MAMDC2: variants seen among roughly 807,000 people sequenced by gnomAD.
The protein encoded by MAMDC2 is MAM domain-containing protein 2.
MAMDC2 carries 57 observed loss-of-function variants against 89.8 expected under a neutral mutation model. That is an observed-to-expected ratio of 0.63 (90% CI 0.51 to 0.79). The LOEUF is 0.79. MAMDC2 is among the 30% of genes least tolerant of loss of function. The probability of loss-of-function intolerance (pLI) is 0.00; values close to 1 mark genes in which losing one functional copy is unlikely to be tolerated. For synonymous variants in MAMDC2, 313 were observed against 293.4 expected, an observed-to-expected ratio of 1.07 and a Z score of -0.68; for missense variants, 800 against 820.6, an observed-to-expected ratio of 0.97 and a Z score of 0.31.
chr9:70,116,541 A>G (rs937982617), intron 5 of MAMDC2, among the ~76,000 whole-genome samples: 4 of 152,152 alleles, frequency 2.6e-5, no homozygotes, highest in African/African-American at 9.7e-5. Context: ...TTTGAATTCA[A>G]TGATCTCTAA....
chr9:70,219,762 T>C (rs1053291168), intron 12 of MAMDC2, among the ~76,000 whole-genome samples: 1 of 152,208 alleles, frequency 6.6e-6, no homozygotes, highest in African/African-American at 2.4e-5. Flanking sequence ...AGTGATTTAA[T>C]GTCTGTTCGA....
intron 7 of MAMDC2, among the ~76,000 whole-genome samples, chr9:70,135,022 G>A (rs2030951728): frequency 6.6e-6 from 1 of 152,188 alleles, no homozygotes; most frequent in African/African-American, 2.4e-5. Flanking sequence ...ACTCCAGGGA[G>A]CAGAGGAAAC....
intron 9 of MAMDC2, among the ~76,000 whole-genome samples, chr9:70,145,209 T>C (rs745349871): frequency 6.6e-6 from 1 of 152,208 alleles, no homozygotes; most frequent in Admixed American, 6.5e-5. Context: ...CCTTACGTGA[T>C]TTTATCAGTC....
At chr9:70,082,638 T>C (rs541160073) in intron 2 of MAMDC2, 4 of 152,248 alleles carry the variant, frequency 2.6e-5, no homozygotes, top group African/African-American at 9.6e-5. Flanking sequence ...ATCCGATAAA[T>C]TAAAGAAGTG....
intron 6 of MAMDC2, among the ~76,000 whole-genome samples, 172 bp downstream of exon 6, chr9:70,126,587 G>A (rs1477236655): frequency 1.3e-5 from 2 of 152,150 alleles, no homozygotes; most frequent in Non-Finnish European, 2.9e-5. Flanking sequence ...CCCTTCCTCT[G>A]TGTCCCCTTT....
At chr9:70,126,583 C>T (rs567923569) in intron 6 of MAMDC2, among the ~76,000 whole-genome samples, 168 bp downstream of exon 6, 1 of 152,322 alleles carries the variant, frequency 6.6e-6, no homozygotes, top group South Asian at 2.1e-4. Context: ...CTCTCCCTTC[C>T]TCTGTGTCCC....
intron 11 of MAMDC2, among the ~76,000 whole-genome samples, chr9:70,214,628 A>C (rs2033412696): frequency 6.6e-6 from 1 of 152,236 alleles, no homozygotes. Context: ...ATGAGATTGC[A>C]GGGGACCAGA....
chr9:70,050,641 T>C (rs910005251), intron 2 of MAMDC2, among the ~76,000 whole-genome samples: 1 of 152,236 alleles, frequency 6.6e-6, no homozygotes, highest in African/African-American at 2.4e-5. Flanking sequence ...TTACTATTAC[T>C]TGATGTGTCT....
At chr9:70,103,874 C>A (rs556099759) in intron 2 of MAMDC2, among the ~76,000 whole-genome samples, 7 of 151,936 alleles carry the variant, frequency 4.6e-5, no homozygotes, top group African/African-American at 1.7e-4. Context: ...CCCAGCTAAT[C>A]AGGAGACTGA....
intron 7 of MAMDC2, among the ~76,000 whole-genome samples, chr9:70,132,103 C>T (rs2030832243): frequency 1.3e-5 from 2 of 152,212 alleles, no homozygotes; most frequent in South Asian, 4.1e-4. Context: ...AGCTAAATAG[C>T]ATGTGCTCTT....
chr9:70,044,499 C>A, intron 1 of MAMDC2, 85 bp from the exon 2 acceptor site: 1 of 1,096,618 alleles, frequency 9.1e-7, no homozygotes, highest in South Asian at 1.4e-5. Flanking sequence ...CCCCCACTTT[C>A]ACCAGGTAGT....
chr9:70,197,957 A>G (rs1294142086), intron 11 of MAMDC2, among the ~76,000 whole-genome samples: 1 of 152,016 alleles, frequency 6.6e-6, no homozygotes, highest in East Asian at 1.9e-4. Context: ...TTATTATCTC[A>G]CGTCAGCACA....
At chr9:70,132,806 G>A (rs1199405035) in intron 7 of MAMDC2, among the ~76,000 whole-genome samples, 1 of 152,118 alleles carries the variant, frequency 6.6e-6, no homozygotes, top group Admixed American at 6.5e-5. Context: ...TTACAGGTGT[G>A]AGCCACAGTT....
chr9:70,047,405 G>A (rs1365587339), intron 2 of MAMDC2, among the ~76,000 whole-genome samples: 3 of 151,826 alleles, frequency 2.0e-5, no homozygotes, highest in Non-Finnish European at 2.9e-5. Context: ...CCTTGTGTCC[G>A]TGTGTTCTCA....
intron 11 of MAMDC2, chr9:70,175,656 T>C (rs913169008): frequency 6.6e-6 from 1 of 152,178 alleles, no homozygotes; most frequent in African/African-American, 2.4e-5. Flanking sequence ...TTAGAACATA[T>C]CCCTCAAGGA....
chr9:70,129,653 T>C (rs1230445377), intron 6 of MAMDC2, among the ~76,000 whole-genome samples: 1 of 152,140 alleles, frequency 6.6e-6, no homozygotes, highest in Non-Finnish European at 1.5e-5. Flanking sequence ...TCATTTTATT[T>C]TTGTTTTAAT....
intron 5 of MAMDC2, 29 bp downstream of exon 5, chr9:70,113,161 C>T (rs1828556879): frequency 1.2e-6 from 2 of 1,611,550 alleles, no homozygotes; most frequent in Non-Finnish European, 1.7e-6. Context: ...GAGTCCTTTT[C>T]CCAGGATAAA....
At chr9:70,199,332 AGAATGATG>A (rs1452487558) in intron 11 of MAMDC2, among the ~76,000 whole-genome samples, 2 of 147,300 alleles carry the variant, frequency 1.4e-5, no homozygotes, top group African/African-American at 5.0e-5. Flanking sequence ...TAGTTTACTG[AGAATGATG>A]ATTTCCAATT....
intron 9 of MAMDC2, among the ~76,000 whole-genome samples, chr9:70,151,959 C>T (rs1039745212): frequency 6.6e-6 from 1 of 152,068 alleles, no homozygotes; most frequent in East Asian, 1.9e-4. Flanking sequence ...ACAGTACGTG[C>T]CTTCATGAAC....
Sources: gnomAD v4.1 joint callset for allele counts (sites outside exome capture counted in the v4.1 genomes callset) on GRCh38, gnomAD v4.1.1 for gene constraint, MANE v1.5 for transcripts, NCBI Gene and HGNC (gene_info 2026-07-23, HGNC 2026-07-21) for gene names.